The following PID1 variants were observed in gnomAD, a reference collection of about 807,000 sequenced individuals.
PID1 encodes phosphotyrosine interaction domain containing 1.
A neutral mutation model predicts 19.1 loss-of-function variants in PID1; 10 were observed. That is an observed-to-expected ratio of 0.52 (90% confidence interval 0.32 to 0.89). PID1 has a LOEUF of 0.89. Among genes scored for constraint, PID1 ranks in the 40% least tolerant of loss-of-function variants. The pLI, the probability that PID1 is intolerant of heterozygous loss-of-function variation, is 0.03. For synonymous variants in PID1, 130 were observed against 116.0 expected (o/e 1.12, Z -0.78); for missense variants, 248 against 285.3 (o/e 0.87, Z 0.94).
At chr2:229,029,037 C>G (rs990036154) in intron 2 of PID1, among the ~76,000 whole-genome samples, 3 of 151,750 alleles carry the variant, frequency 2.0e-5, no homozygotes, top group Admixed American at 2.0e-4. Context: ...AACACATGGA[C>G]ATAAAGATGG....
intron 2 of PID1, among the ~76,000 whole-genome samples, chr2:229,054,717 TGTGGGGGG>T (rs1171644305): frequency 4.6e-4 from 4 of 8,730 alleles, no homozygotes; most frequent in East Asian, 6.0e-3. Flanking sequence ...TGTGTGTGTG[TGTGGGGGG>T]GGGGGGGGGT....
chr2:229,139,057 GAGAAAGAAAGAAAGAAAGAA>G (rs10701076), intron 2 of PID1, among the ~76,000 whole-genome samples: 3 of 45,566 alleles, frequency 6.6e-5, no homozygotes, highest in South Asian at 8.8e-4. Flanking sequence ...AAGAAAGAAA[GAGAAAGAAAGAAAGAAAGAA>G]AGAAAGAAAG....
intron 2 of PID1, among the ~76,000 whole-genome samples, chr2:229,121,159 G>A (rs1695510237): frequency 6.6e-6 from 1 of 152,096 alleles, no homozygotes; most frequent in Admixed American, 6.5e-5. Context: ...TATTGGTTCT[G>A]TTTCTCTGGA....
chr2:229,146,571 T>C (rs1231831161), intron 2 of PID1, among the ~76,000 whole-genome samples: 3 of 151,946 alleles, frequency 2.0e-5, no homozygotes, highest in African/African-American at 7.3e-5. Flanking sequence ...TTTTGCATTT[T>C]TACAATTCCC....
In PID1 at chr2:229,025,685, T is replaced by C; in HGVS notation, c.601A>G (p.Ser201Gly). 1 of 1,613,968 alleles carries C rather than the reference T, an allele frequency of 6.2e-7. No homozygotes were observed. Among genetic ancestry groups the C allele is most frequent in the Non-Finnish European group, 8.5e-7 (1 of 1,179,798 alleles). ...HSMKSDGRIH[S>G]NSSSEEVSQE... The stretch of plus-strand genomic sequence containing the variant: ...GAAACCTCTTCGGAGGAGCTGTTGC[T>C]GTGGATCCGCCCGTCGCTCTTCATA... Residue 201 changes from serine to glycine, a missense_variant, in exon 3 of 3, where the codon AGC (serine) becomes GGC (glycine). Physicochemically the swap from Ser to Gly is moderately conservative, Grantham distance 56. Coordinates refer to ENST00000392055, the MANE Select transcript of PID1 (RefSeq NM_001100818.2).
intron 1 of PID1, among the ~76,000 whole-genome samples, chr2:229,201,534 C>T (rs1691499296): frequency 6.6e-6 from 1 of 152,106 alleles, no homozygotes. Flanking sequence ...TGTCAATGGA[C>T]ACCTGGGTTG....
chr2:229,221,701 C>T (rs1464686312), intron 1 of PID1, among the ~76,000 whole-genome samples: 2 of 152,176 alleles, frequency 1.3e-5, no homozygotes, highest in Non-Finnish European at 2.9e-5. Context: ...TCCCTCTCTC[C>T]CAAGGAAAAG....
chr2:229,081,437 C>T (rs756630455), intron 2 of PID1, among the ~76,000 whole-genome samples: 1 of 152,126 alleles, frequency 6.6e-6, no homozygotes, highest in Non-Finnish European at 1.5e-5. Flanking sequence ...TGAGATGTAA[C>T]CTGTCTATAG....
chr2:229,266,739 G>A (rs143253011), intron 1 of PID1, among the ~76,000 whole-genome samples: 7 of 152,254 alleles, frequency 4.6e-5, no homozygotes, highest in East Asian at 3.9e-4. Flanking sequence ...TCTAAAATGC[G>A]GATAAAAGTG....
At chr2:229,160,933 T>G (rs1052472893) in intron 1 of PID1, among the ~76,000 whole-genome samples, 14 of 152,192 alleles carry the variant, frequency 9.2e-5, no homozygotes, top group Non-Finnish European at 2.9e-5. Context: ...TATACCTGCT[T>G]CTGCTTTGGA....
intron 2 of PID1, among the ~76,000 whole-genome samples, chr2:229,153,431 TA>T (rs1690297889): frequency 6.6e-6 from 1 of 152,156 alleles, no homozygotes; most frequent in Non-Finnish European, 1.5e-5. Context: ...CCATAAACTT[TA>T]TATAGCCCGG....
chr2:229,203,434 A>T (rs1691540902), intron 1 of PID1, among the ~76,000 whole-genome samples: 1 of 152,090 alleles, frequency 6.6e-6, no homozygotes, highest in African/African-American at 2.4e-5. Flanking sequence ...TGTTTTCTTT[A>T]ACAACTTTTC....
chr2:229,210,308 C>T, intron 1 of PID1, among the ~76,000 whole-genome samples: 1 of 151,614 alleles, frequency 6.6e-6, no homozygotes, highest in Non-Finnish European at 1.5e-5. Context: ...GTCAGGAGAT[C>T]GAGACCATCG....
intron 1 of PID1, among the ~76,000 whole-genome samples, chr2:229,208,750 C>T (rs1469452778): frequency 6.6e-6 from 1 of 152,104 alleles, no homozygotes; most frequent in African/African-American, 2.4e-5. Flanking sequence ...TGTCCCTTAA[C>T]TCCTGTGGTA....
rs78098661 is a variant in PID1, at chr2:229,087,316, T to C, written c.178-61208A>G. 3.0e-3 allele frequency among the ~76,000 whole-genome samples: 451 copies of C among 152,270 alleles called. 1 individual carries two copies. Among genetic ancestry groups the C allele is most frequent in the African/African-American group, 0.01 (429 of 41,552 alleles). The stretch of plus-strand genomic sequence containing the variant: ...AGAGTCACTGCTAAGGACATGATGT[T>C]CAATAAAACAAACCAGACAACAAAG... On this transcript the variant is annotated intron_variant, in intron 2 of 2. Transcript: ENST00000392055.
At chr2:229,122,567 G>C (rs541082310) in intron 2 of PID1, among the ~76,000 whole-genome samples, 2 of 152,210 alleles carry the variant, frequency 1.3e-5, no homozygotes, top group South Asian at 4.2e-4. Context: ...AGGCAGATTT[G>C]ATAAAGCTCT....
chr2:229,100,584 C>T (rs976876110), intron 2 of PID1, among the ~76,000 whole-genome samples: 2 of 152,252 alleles, frequency 1.3e-5, no homozygotes, highest in Admixed American at 6.5e-5. Flanking sequence ...TACATGTAGA[C>T]CAGATTCCCT....
chr2:229,116,502 G>A (rs1695414013), intron 2 of PID1, among the ~76,000 whole-genome samples: 1 of 152,054 alleles, frequency 6.6e-6, no homozygotes, highest in Non-Finnish European at 1.5e-5. Flanking sequence ...TGTCATGGTA[G>A]GGACCCAGCA....
intron 2 of PID1, among the ~76,000 whole-genome samples, chr2:229,082,014 C>A (rs1350121247): frequency 1.3e-5 from 2 of 152,178 alleles, no homozygotes; most frequent in Non-Finnish European, 2.9e-5. Context: ...CAAATTATAA[C>A]CTTAACCTAA....
Sources: allele counts gnomAD v4.1 joint callset (sites outside exome capture counted in the v4.1 genomes callset), GRCh38; gene constraint gnomAD v4.1.1; transcripts MANE v1.5; gene names NCBI Gene and HGNC (gene_info 2026-07-23, HGNC 2026-07-21).